TBC1D1: variants seen among roughly 807,000 people sequenced by gnomAD.
TBC1D1 encodes the protein TBC1 (tre-2/USP6, BUB2, cdc16) domain family, member 1.
In TBC1D1, 89 loss-of-function variants were observed where a neutral mutation model predicts 125.6. That is an observed-to-expected ratio of 0.71 (90% CI 0.60 to 0.85). TBC1D1 has a LOEUF of 0.85. TBC1D1 is among the 40% of genes least tolerant of loss of function. The pLI is 0.00. For synonymous variants in TBC1D1, 565 were observed against 564.1 expected (o/e 1.00, Z -0.02); for missense variants, 1,377 against 1,469.2 (o/e 0.94, Z 1.03).
chr4:37,902,640 C>G, intron 2 of TBC1D1, 128 bp downstream of exon 2: 1 of 771,006 alleles, frequency 1.3e-6, no homozygotes. Context: ...AAATTGATTA[C>G]TTAGCTGAAT....
At chr4:38,065,453 T>C (rs1020166546) in intron 12 of TBC1D1, among the ~76,000 whole-genome samples, 31 of 152,158 alleles carry the variant, frequency 2.0e-4, no homozygotes, top group African/African-American at 7.5e-4. Flanking sequence ...TCCTGAGTGA[T>C]TAATAAACAG....
Position 37,921,533 on chromosome 4 carries a change from A to C in TBC1D1, c.417+19021A>C, listed in dbSNP as rs1387078139. Among the ~76,000 whole-genome samples, 4 of 151,024 alleles carry C rather than the reference A, an allele frequency of 2.6e-5. No individual in the cohort carries two copies. In the South Asian group the frequency reaches 8.4e-4, roughly 32 times the overall value. On this transcript the variant is annotated intron_variant, in intron 2 of 19. Coordinates refer to ENST00000261439, the MANE Select transcript of TBC1D1 (RefSeq NM_015173.4). ...GCAATTCTTCTACCTCAGCCTCCCT[A>C]GTAGCTGGGATTGCAGACACGCGCC... is the stretch of plus-strand genomic sequence containing the variant.
At chr4:38,062,752 T>C (rs1164632578) in intron 12 of TBC1D1, among the ~76,000 whole-genome samples, 1 of 152,150 alleles carries the variant, frequency 6.6e-6, no homozygotes, top group Non-Finnish European at 1.5e-5. Context: ...GAGTTAACAC[T>C]GACTGAGCTT....
At chr4:38,069,590 T>C (rs1485203089) in intron 12 of TBC1D1, among the ~76,000 whole-genome samples, 2 of 152,140 alleles carry the variant, frequency 1.3e-5, no homozygotes, top group African/African-American at 4.8e-5. Context: ...TCGGTCTCTT[T>C]ATTCTGCACA....
At chr4:37,936,753 G>C (rs571760560) in intron 2 of TBC1D1, among the ~76,000 whole-genome samples, 1 of 152,302 alleles carries the variant, frequency 6.6e-6, no homozygotes, top group Admixed American at 6.5e-5. Context: ...AGATATACTA[G>C]AATAGAACCT....
Position 38,027,834 on chromosome 4 carries a change from G to T in TBC1D1, c.1257G>T (p.Thr419=), listed in dbSNP as rs376905847. Residue 419 remains threonine, a synonymous_variant, in exon 7 of 20, where the codon ACG becomes ACT. Transcript: ENST00000261439. ...AACTAGAACTGCAAAAGCACCTGAC[G>T]ACATTAACCAATCAGGAGCAGGCGA... The T allele has an allele frequency of 3.7e-6, 6 of 1,613,532 alleles. No individual in the cohort carries two copies. Among genetic ancestry groups the T allele is most frequent in the Non-Finnish European group, 5.1e-6 (6 of 1,179,824 alleles).
chr4:38,126,315 G>A (rs181724071), intron 18 of TBC1D1, among the ~76,000 whole-genome samples: 110 of 152,322 alleles, frequency 7.2e-4, no homozygotes, highest in East Asian at 1.7e-3. Flanking sequence ...ACTGTGTAAC[G>A]AAAGCATAGA....
At chr4:37,960,929 A>T (rs1560535273) in intron 2 of TBC1D1, 1 of 1,614,006 alleles carries the variant, frequency 6.2e-7, no homozygotes, top group Admixed American at 1.7e-5. Context: ...GCCCCCCTTC[A>T]CCTGTGAAAA....
rs1039806105 is a variant in TBC1D1 at position 38,089,825 on chromosome 4, T to A, written c.2051-107T>A. 9 of 1,153,912 alleles carry A rather than the reference T, an allele frequency of 7.8e-6. No homozygotes were observed. The East Asian group carries it at 2.0e-4, about 26-fold the overall frequency. The allele number at this position is 1,153,912 out of a possible 1,614,324, so 71.5% of individuals were successfully genotyped here. On this transcript the variant is annotated intron_variant, in intron 12 of 19. Coordinates refer to ENST00000261439, the MANE Select transcript of TBC1D1 (RefSeq NM_015173.4). ...CACAGGAATTTTAAATTTGGTGATA[T>A]TATTATATTTTATCTGAATGAACAG...
chr4:38,019,769 C>T (rs569649768), intron 4 of TBC1D1, among the ~76,000 whole-genome samples: 8 of 152,126 alleles, frequency 5.3e-5, no homozygotes, highest in Non-Finnish European at 1.2e-4. Context: ...TCTTATGATA[C>T]CATGGTAGAG....
intron 16 of TBC1D1, among the ~76,000 whole-genome samples, chr4:38,117,537 A>G: frequency 6.6e-6 from 1 of 152,180 alleles, no homozygotes; most frequent in East Asian, 1.9e-4. Context: ...AAAAGAAATT[A>G]TGCTTCTCCT....
intron 2 of TBC1D1, among the ~76,000 whole-genome samples, chr4:37,909,085 A>G (rs1717980946): frequency 6.6e-6 from 1 of 152,208 alleles, no homozygotes. Context: ...TTTTAAACCA[A>G]TAAATGTTTC....
At chr4:38,089,405 G>A (rs1166473233) in intron 12 of TBC1D1, among the ~76,000 whole-genome samples, 1 of 152,216 alleles carries the variant, frequency 6.6e-6, no homozygotes, top group Non-Finnish European at 1.5e-5. Flanking sequence ...GGTTAAGAAT[G>A]CACATGAAAG....
chr4:38,090,633 T>G (rs1325609566), intron 13 of TBC1D1, among the ~76,000 whole-genome samples: 1 of 152,248 alleles, frequency 6.6e-6, no homozygotes, highest in East Asian at 1.9e-4. Context: ...TGACATGAAC[T>G]TTGAAAGTTT....
intron 2 of TBC1D1, among the ~76,000 whole-genome samples, chr4:37,971,532 G>C (rs562477847): frequency 6.6e-6 from 1 of 152,238 alleles, no homozygotes; most frequent in African/African-American, 2.4e-5. Context: ...ATCTCCCACT[G>C]TGTCCCTCCC....
chr4:37,981,285 T>C (rs1734287972), intron 2 of TBC1D1, among the ~76,000 whole-genome samples: 1 of 152,230 alleles, frequency 6.6e-6, no homozygotes, highest in Admixed American at 6.5e-5. Context: ...TGCTAATTAA[T>C]ATTTTATGTA....
chr4:38,122,856 C>T, intron 17 of TBC1D1, among the ~76,000 whole-genome samples: 1 of 152,166 alleles, frequency 6.6e-6, no homozygotes, highest in East Asian at 1.9e-4. Context: ...ATGCCCAGTG[C>T]TATGTCTTAA....
intron 12 of TBC1D1, among the ~76,000 whole-genome samples, chr4:38,087,728 A>G (rs1159791751): frequency 6.6e-6 from 1 of 151,232 alleles, no homozygotes; most frequent in Non-Finnish European, 1.5e-5. Flanking sequence ...TGTAATTCCA[A>G]CTACTCACTC....
At chr4:38,020,466 A>G (rs10015663) in intron 4 of TBC1D1, 125 bp from the exon 5 acceptor site, 379,655 of 725,620 alleles carry the variant, frequency 0.52, 102,188 homozygotes, top group African/African-American at 0.75. Context: ...CAACAAGAGT[A>G]AAATTCCATC....
Sources: allele counts gnomAD v4.1 joint callset (sites outside exome capture counted in the v4.1 genomes callset), GRCh38; gene constraint gnomAD v4.1.1; transcripts MANE v1.5; gene names NCBI Gene and HGNC (gene_info 2026-07-23, HGNC 2026-07-21).